IGF2BP3: variants seen among roughly 807,000 people sequenced by gnomAD.
IGF2BP3 encodes insulin-like growth factor 2 mRNA-binding protein 3.
IGF2BP3 carries 9 observed loss-of-function variants against 73.8 expected under a neutral mutation model. The ratio of observed to expected loss-of-function variants is 0.12; its 90% confidence interval spans 0.07 to 0.21. The LOEUF (loss-of-function observed/expected upper bound fraction) is 0.21, where lower values mean the gene tolerates loss of function less well. Among genes scored for constraint, IGF2BP3 ranks in the 10% least tolerant of loss-of-function variants. The pLI is 1.00. For missense variants in IGF2BP3, 542 were observed against 714.0 expected, an observed-to-expected ratio of 0.76 and a Z score of 2.75; for synonymous variants, 258 against 256.7, an observed-to-expected ratio of 1.01 and a Z score of -0.05.
At chr7:23,357,461 C>T (rs946095232) in intron 5 of IGF2BP3, among the ~76,000 whole-genome samples, 1 of 152,038 alleles carries the variant, frequency 6.6e-6, no homozygotes, top group African/African-American at 2.4e-5. Context: ...CAGGATAACC[C>T]CAAACAAAAG....
intron 12 of IGF2BP3, among the ~76,000 whole-genome samples, chr7:23,315,807 A>G (rs1449400176): frequency 6.6e-6 from 1 of 152,210 alleles, no homozygotes; most frequent in Non-Finnish European, 1.5e-5. Context: ...CATTCCTTAG[A>G]TCTCTAAAGT....
At chr7:23,428,975 G>A (rs1004368830) in intron 2 of IGF2BP3, among the ~76,000 whole-genome samples, 7 of 152,072 alleles carry the variant, frequency 4.6e-5, no homozygotes, top group Admixed American at 3.3e-4. Flanking sequence ...ATATTTGTGA[G>A]CATTTCTGCT....
rs139524864 is a variant in IGF2BP3, at chr7:23,388,862, C to T, written c.286-27121G>A. On this transcript the variant is annotated intron_variant, in intron 3 of 14. Coordinates refer to ENST00000258729, the MANE Select transcript of IGF2BP3 (RefSeq NM_006547.3). ...ACATAAATGTTCATAGCACCTTTAC[C>T]TGTAGTAGTTAAAAACTGGAAACAG... Among the ~76,000 whole-genome samples the T allele has an allele frequency of 2.0e-3, 298 of 152,222 alleles. 1 individual carries two copies. The highest frequency in any genetic ancestry group is 2.9e-3 in the Admixed American group (45 of 15,284).
At chr7:23,445,603 A>T (rs1177269779) in intron 2 of IGF2BP3, among the ~76,000 whole-genome samples, 1 of 152,160 alleles carries the variant, frequency 6.6e-6, no homozygotes, top group Admixed American at 6.5e-5. Flanking sequence ...TATGTACATT[A>T]TTCATCAAGA....
At chr7:23,391,712 A>G (rs944607581) in intron 3 of IGF2BP3, among the ~76,000 whole-genome samples, 1 of 152,246 alleles carries the variant, frequency 6.6e-6, no homozygotes, top group Non-Finnish European at 1.5e-5. Flanking sequence ...ATTGCAAATG[A>G]AAAAGTCTTT....
At chr7:23,316,674 CAA>C (rs1271667588) in intron 12 of IGF2BP3, among the ~76,000 whole-genome samples, 6 of 50,106 alleles carry the variant, frequency 1.2e-4, no homozygotes, top group African/African-American at 2.1e-4. Flanking sequence ...GACTCTGTCT[CAA>C]AAAAAAAAAA....
intron 2 of IGF2BP3, among the ~76,000 whole-genome samples, chr7:23,435,452 T>G (rs1787786490): frequency 6.7e-6 from 1 of 149,492 alleles, no homozygotes; most frequent in Admixed American, 6.6e-5. Context: ...ATCTAAAGTT[T>G]TTTTTTTTTT....
At chr7:23,452,585 C>T (rs1188906116) in intron 2 of IGF2BP3, among the ~76,000 whole-genome samples, 5 of 151,992 alleles carry the variant, frequency 3.3e-5, no homozygotes, top group South Asian at 2.1e-4. Flanking sequence ...GGGTGAATCA[C>T]GAGGTCAGGA....
chr7:23,431,839 A>G (rs1787688090), intron 2 of IGF2BP3, among the ~76,000 whole-genome samples: 1 of 151,772 alleles, frequency 6.6e-6, no homozygotes, highest in Non-Finnish European at 1.5e-5. Context: ...CCACACACAC[A>G]CATTCTCTCT....
At chr7:23,442,517 C>T (rs1446773692) in intron 2 of IGF2BP3, among the ~76,000 whole-genome samples, 1 of 152,066 alleles carries the variant, frequency 6.6e-6, no homozygotes, top group Non-Finnish European at 1.5e-5. Flanking sequence ...CCTGCCTCAG[C>T]CTCTGGAGTA....
At chr7:23,406,067 T>TAAA (rs35605892) in intron 3 of IGF2BP3, among the ~76,000 whole-genome samples, 2 of 139,056 alleles carry the variant, frequency 1.4e-5, no homozygotes, top group African/African-American at 5.4e-5. Flanking sequence ...ATTTTCTGAT[T>TAAA]AAAAAAAAAA....
intron 3 of IGF2BP3, among the ~76,000 whole-genome samples, chr7:23,389,959 G>A (rs949320869): frequency 6.6e-6 from 1 of 152,112 alleles, no homozygotes; most frequent in Non-Finnish European, 1.5e-5. Context: ...CTGGGCAACA[G>A]AGTGAGACCC....
intron 3 of IGF2BP3, among the ~76,000 whole-genome samples, chr7:23,363,313 C>G (rs1183971299): frequency 1.3e-5 from 2 of 152,134 alleles, no homozygotes; most frequent in East Asian, 3.9e-4. Context: ...GTGGCACGAC[C>G]ATAGATCACT....
At chr7:23,417,389 T>TG (rs542963121) in intron 3 of IGF2BP3, among the ~76,000 whole-genome samples, 262 of 152,050 alleles carry the variant, frequency 1.7e-3, no homozygotes, top group African/African-American at 6.2e-3. Context: ...CAAAGGACAA[T>TG]GAGGAGAGTA....
intron 5 of IGF2BP3, among the ~76,000 whole-genome samples, chr7:23,354,116 C>A (rs758457328): frequency 2.0e-5 from 3 of 152,194 alleles, no homozygotes; most frequent in Admixed American, 6.5e-5. Context: ...GCCTCGGCCT[C>A]CTGAGTAGCT....
At chr7:23,317,977 T>C (rs569810702) in intron 11 of IGF2BP3, 6 of 510,936 alleles carry the variant, frequency 1.2e-5, no homozygotes, top group South Asian at 5.6e-5. Flanking sequence ...CCTGATGAAG[T>C]AGTATTACCT....
At chr7:23,316,544 AC>A (rs1223752861) in intron 12 of IGF2BP3, among the ~76,000 whole-genome samples, 1 of 151,986 alleles carries the variant, frequency 6.6e-6, no homozygotes, top group East Asian at 1.9e-4. Context: ...GCGTGGCGGC[AC>A]ATGCCTGTAA....
intron 5 of IGF2BP3, among the ~76,000 whole-genome samples, chr7:23,355,569 G>A (rs1421839103): frequency 6.6e-6 from 1 of 152,050 alleles, no homozygotes; most frequent in African/African-American, 2.4e-5. Context: ...TGCTCTTGGT[G>A]CTATTTTAAG....
intron 2 of IGF2BP3, among the ~76,000 whole-genome samples, chr7:23,443,185 G>A (rs1187180827): frequency 2.7e-5 from 4 of 147,346 alleles, no homozygotes; most frequent in Admixed American, 6.9e-5. Context: ...CAGTGCAGTG[G>A]TGCGATCTCG....
Sources: gnomAD v4.1 joint callset for allele counts (sites outside exome capture counted in the v4.1 genomes callset) on GRCh38, gnomAD v4.1.1 for gene constraint, MANE v1.5 for transcripts, NCBI Gene and HGNC (gene_info 2026-07-23, HGNC 2026-07-21) for gene names.